The following IQCB1 variants were observed in gnomAD, a reference collection of about 807,000 sequenced individuals.
IQCB1 encodes the protein IQ motif containing B1.
Under a neutral mutation model 84.4 loss-of-function variants are expected in IQCB1, and 56 were observed. That is an observed-to-expected ratio of 0.66 (90% CI 0.54 to 0.83). The LOEUF (loss-of-function observed/expected upper bound fraction) is 0.83, where lower values mean the gene tolerates loss of function less well. IQCB1 is among the 40% of genes least tolerant of loss of function. IQCB1 has a pLI of 0.00. For synonymous variants in IQCB1, 210 were observed against 234.8 expected (o/e 0.89, Z 0.96); for missense variants, 629 against 682.1 (o/e 0.92, Z 0.87).
intron 11 of IQCB1, among the ~76,000 whole-genome samples, chr3:121,788,731 A>G (rs1473151449): frequency 6.6e-6 from 1 of 151,986 alleles, no homozygotes; most frequent in Non-Finnish European, 1.5e-5. Context: ...TCCTAAGTAC[A>G]TGATTAAGAA....
chr3:121,805,998 AG>A (rs1949589291), intron 7 of IQCB1, among the ~76,000 whole-genome samples: 1 of 152,090 alleles, frequency 6.6e-6, no homozygotes, highest in Admixed American at 6.6e-5. Context: ...TGTAAGTTAG[AG>A]CAATTGTAAG....
Position 121,797,214 on chromosome 3 carries a change from T to C in IQCB1, c.780A>G (p.Leu260=). ...CAGTCCCAGTTTCCTGTTTACTTAG[T>C]AGACGTCTGAGTCCTGAAATGGAAT... ...QSTCYKGLRR[L]LSKQETGTEF... is the part of the protein sequence containing the mutation. Residue 260 remains leucine (L), a synonymous_variant, in exon 9 of 15, where the codon CTA becomes CTG. Coordinates refer to ENST00000310864, the MANE Select transcript of IQCB1 (RefSeq NM_001023570.4). The C allele has an allele frequency of 1.9e-6, 3 of 1,586,300 alleles. No homozygotes were observed. The highest frequency in any genetic ancestry group is 2.6e-6 in the Non-Finnish European group (3 of 1,156,186).
chr3:121,831,154 T>C (rs1288282096), intron 2 of IQCB1, among the ~76,000 whole-genome samples: 1 of 151,312 alleles, frequency 6.6e-6, no homozygotes. Flanking sequence ...CTTCACAGTA[T>C]GCATCTCTTC....
chr3:121,819,284 A>G (rs1950187105), intron 5 of IQCB1, among the ~76,000 whole-genome samples: 1 of 152,222 alleles, frequency 6.6e-6, no homozygotes, highest in Non-Finnish European at 1.5e-5. Context: ...TCTCATAATG[A>G]GCCTGCAACC....
At chr3:121,834,808 C>T (rs1043772409) in intron 1 of IQCB1, among the ~76,000 whole-genome samples, 158 bp downstream of exon 1, 1 of 152,200 alleles carries the variant, frequency 6.6e-6, no homozygotes, top group African/African-American at 2.4e-5. Context: ...CCTCAGTTTC[C>T]ACACCAGATC....
chr3:121,783,461 G>C (rs766866279), intron 12 of IQCB1, among the ~76,000 whole-genome samples: 24 of 151,876 alleles, frequency 1.6e-4, no homozygotes, highest in African/African-American at 4.1e-4. Context: ...CCACATAAAG[G>C]CTATTCACTT....
chr3:121,818,540 C>G (rs1388856421), intron 5 of IQCB1, among the ~76,000 whole-genome samples: 1 of 152,050 alleles, frequency 6.6e-6, no homozygotes, highest in Non-Finnish European at 1.5e-5. Context: ...CAAGGTAGTA[C>G]TAAAGACATG....
At chr3:121,776,965 T>C (rs1264375851) in intron 13 of IQCB1, among the ~76,000 whole-genome samples, 1 of 152,250 alleles carries the variant, frequency 6.6e-6, no homozygotes. Flanking sequence ...ATTCTGTTAA[T>C]GGTGTCTTAT....
At chr3:121,794,937 G>A (rs913108574) in intron 10 of IQCB1, among the ~76,000 whole-genome samples, 5 of 152,024 alleles carry the variant, frequency 3.3e-5, no homozygotes, top group Non-Finnish European at 7.4e-5. Flanking sequence ...CTTGTTCTGT[G>A]ACCTTGGAGG....
intron 7 of IQCB1, among the ~76,000 whole-genome samples, chr3:121,802,147 A>G (rs1949431426): frequency 6.6e-6 from 1 of 152,102 alleles, no homozygotes; most frequent in South Asian, 2.1e-4. Context: ...CTGACCTTAT[A>G]GAATGAGTTG....
chr3:121,775,144 A>G (rs2108511621), intron 13 of IQCB1, among the ~76,000 whole-genome samples: 1 of 152,222 alleles, frequency 6.6e-6, no homozygotes, highest in East Asian at 1.9e-4. Flanking sequence ...TCTTCATTCT[A>G]CCTCTGCTCA....
chr3:121,790,094 T>C lies in IQCB1; in HGVS notation c.1108A>G (p.Met370Val), dbSNP rs112790935. The C allele has an allele frequency of 5.6e-6, 9 of 1,613,638 alleles. No homozygotes were observed. Among genetic ancestry groups the C allele is most frequent in the South Asian group, 1.1e-5 (1 of 91,080 alleles). Residue 370 changes from methionine (M) to valine (V), a missense_variant, in exon 11 of 15, where the codon ATG becomes GTG. Physicochemically the swap from Met to Val is conservative, Grantham distance 21. Coordinates refer to ENST00000310864, the MANE Select transcript of IQCB1 (RefSeq NM_001023570.4). ...TCACCTGGATGAACTATTTCGAGCA[T>C]ACTCAGCTGCAATTCTCGGGAAAGT... ...MRLSRELQLS[M>V]LEIVHPGQVE... is the part of the protein sequence containing the mutation.
rs574534390 is a variant in IQCB1, at chr3:121,834,371, A to G, written c.-13+20T>C. ...ATTTGACACAAAAAGACAATTATTT[A>G]TCTATTTTAAGGCTACTACCCTGTT... is the stretch of plus-strand genomic sequence containing the variant. On this transcript the variant is annotated intron_variant, in intron 2 of 14. Coordinates refer to ENST00000310864, the MANE Select transcript of IQCB1 (RefSeq NM_001023570.4). 1.3e-5 allele frequency: 2 copies of G among 152,322 alleles called. No homozygotes were observed. The highest frequency in any genetic ancestry group is 6.5e-5 in the Admixed American group (1 of 15,310). 9.4% of individuals were successfully genotyped at this position (152,322 alleles called of 1,614,324 possible). A position where few individuals can be genotyped will look rare whatever the true frequency, so the allele number is the denominator to read the frequency against.
In IQCB1 at chr3:121,781,786, A is replaced by G. The variant is rs1456257526; in HGVS notation, c.1367T>C (p.Val456Ala). The change falls in exon 13 of 15, where the codon GTT (valine) becomes GCT (alanine). Residue 456 changes from valine to alanine, a missense_variant. Physicochemically the swap from Val to Ala is moderately conservative, Grantham distance 64 (BLOSUM62 0). Coordinates refer to ENST00000310864, the MANE Select transcript of IQCB1 (RefSeq NM_001023570.4). Reference sequence around the variant, plus strand: ...GTCATCCACTCGTTTCTTCAGTTCAACTCGGCGTGCATCAGTGAGTTCTTG... The same window carrying G: ...GTCATCCACTCGTTTCTTCAGTTCAGCTCGGCGTGCATCAGTGAGTTCTTG... ...GLQELTDARR[V>A]ELKKRVDDYV... The G allele has an allele frequency of 3.7e-6, 6 of 1,613,836 alleles. No individual in the cohort carries two copies. The highest frequency in any genetic ancestry group is 5.1e-6 in the Non-Finnish European group (6 of 1,179,848).
rs755645293 is a variant in IQCB1, at chr3:121,772,639, C to G, written c.1485G>C (p.Met495Ile). The change falls in exon 14 of 15, where the codon ATG becomes ATC. Residue 495 changes from methionine to isoleucine, a missense_variant. Met to Ile is a conservative substitution (Grantham distance 10). Transcript: ENST00000310864. ...GGGCTCGCTCTTCTAGGGCCCTGCCCATAAAGTAGTGTTGCAGTCGTTCTT... is the reference window on the plus strand; with the variant it reads ...GGGCTCGCTCTTCTAGGGCCCTGCCGATAAAGTAGTGTTGCAGTCGTTCTT... The part of the protein sequence containing the change: ...QAQERLQHYF[M>I]GRALEERAQQ... 6.2e-7 allele frequency: 1 copy of G among 1,614,166 alleles called. No individual in the cohort carries two copies. Among genetic ancestry groups the G allele is most frequent in the Non-Finnish European group, 8.5e-7 (1 of 1,180,016 alleles).
chr3:121,781,077 GAAA>G (rs1948466892), intron 13 of IQCB1, among the ~76,000 whole-genome samples: 1 of 152,208 alleles, frequency 6.6e-6, no homozygotes, highest in African/African-American at 2.4e-5. Flanking sequence ...AGCAGTAAGA[GAAA>G]AGAAAGTAGA....
At chr3:121,773,109 G>A (rs1183516887) in intron 13 of IQCB1, among the ~76,000 whole-genome samples, 1 of 151,930 alleles carries the variant, frequency 6.6e-6, no homozygotes, top group African/African-American at 2.4e-5. Flanking sequence ...GATCACCTGA[G>A]GTCAGGAGTT....
intron 1 of IQCB1, among the ~76,000 whole-genome samples, chr3:121,834,720 A>T (rs1708167684): frequency 2.0e-5 from 3 of 152,158 alleles, no homozygotes; most frequent in Admixed American, 2.0e-4. Flanking sequence ...TTTACTCCAG[A>T]TTCTAGACCC....
Position 121,824,458 on chromosome 3 carries a change from T to A in IQCB1, c.393+1593A>T, listed in dbSNP as rs149170526. On this transcript the variant is annotated intron_variant, in intron 5 of 14. Transcript: ENST00000310864. Reference sequence around the variant, plus strand: ...TATTGGCCATGGGTAACTGAAACCATGAAAGGTGAAACTGCAGAAAGTGTA... The same window carrying A: ...TATTGGCCATGGGTAACTGAAACCAAGAAAGGTGAAACTGCAGAAAGTGTA... Among the ~76,000 whole-genome samples the A allele has an allele frequency of 6.6e-5, 10 of 152,224 alleles. No homozygotes were observed. The East Asian group carries it at 1.5e-3, about 24-fold the overall frequency.
Sources: gnomAD v4.1 joint callset for allele counts (sites outside exome capture counted in the v4.1 genomes callset) on GRCh38, gnomAD v4.1.1 for gene constraint, MANE v1.5 for transcripts, NCBI Gene and HGNC (gene_info 2026-07-23, HGNC 2026-07-21) for gene names.